Variants in CDH4 observed in about 807,000 individuals in gnomAD.
The protein encoded by CDH4 is cadherin 4.
CDH4 carries 33 observed loss-of-function variants against 86.0 expected under a neutral mutation model. The ratio of observed to expected loss-of-function variants is 0.38; its 90% CI spans 0.29 to 0.51. CDH4 has a LOEUF of 0.51. Among genes scored for constraint, CDH4 ranks in the 20% least tolerant of loss-of-function variants. The pLI is 0.86. For synonymous variants in CDH4, 555 were observed against 549.4 expected (o/e 1.01, Z -0.14); for missense variants, 1,114 against 1,307.4 (o/e 0.85, Z 2.28).
chr20:61,647,525 T>TCTCTCTCTCTCTCTCTCTCTCTC lies in CDH4; in HGVS notation c.170-96038_170-96037insCTCTCTCTCTCTCTCTCTCTCTC, dbSNP rs1444445171. ...AAACACATCAGTATGCACACACATA[T>TCTCTCTCTCTCTCTCTCTCTCTC]TCTCTCTCCCTCTCCCTCTCCCTCT... is the stretch of plus-strand genomic sequence containing the variant. On this transcript the variant is annotated intron_variant, in intron 2 of 15. Transcript: ENST00000614565. 1.1e-4 allele frequency among the ~76,000 whole-genome samples: 8 copies of TCTCTCTCTCTCTCTCTCTCTCTC among 69,756 alleles called. 1 individual carries two copies. The highest frequency in any genetic ancestry group is 3.7e-4 in the African/African-American group (7 of 18,962). The allele number at this position is 69,756 out of a possible 152,430, so 45.8% of individuals were successfully genotyped here.
intron 2 of CDH4, among the ~76,000 whole-genome samples, chr20:61,554,606 A>C (rs1162823939): frequency 1.3e-5 from 2 of 152,208 alleles, no homozygotes; most frequent in African/African-American, 4.8e-5. Flanking sequence ...ACAACAGGTC[A>C]CCCACAGACT....
chr20:61,724,349 G>A (rs924426866), intron 2 of CDH4, among the ~76,000 whole-genome samples: 2 of 152,192 alleles, frequency 1.3e-5, no homozygotes, highest in African/African-American at 2.4e-5. Context: ...TGTAGGTACC[G>A]CAGTTCAGAA....
At chr20:61,294,496 C>A (rs575597665) in intron 2 of CDH4, among the ~76,000 whole-genome samples, 2 of 152,362 alleles carry the variant, frequency 1.3e-5, no homozygotes, top group South Asian at 4.1e-4. Flanking sequence ...TCACCCTCCA[C>A]CCTATGCCCC....
intron 2 of CDH4, among the ~76,000 whole-genome samples, chr20:61,407,462 T>G (rs534536781): frequency 6.6e-6 from 1 of 152,322 alleles, no homozygotes; most frequent in Admixed American, 6.5e-5. Flanking sequence ...CTCTGGGATT[T>G]GTTCAGACAA....
At chr20:61,849,542 C>G (rs1982617846) in intron 5 of CDH4, among the ~76,000 whole-genome samples, 1 of 151,972 alleles carries the variant, frequency 6.6e-6, no homozygotes, top group African/African-American at 2.4e-5. Context: ...GGATCTGCCT[C>G]TAGGCTCACC....
chr20:61,932,770 G>A (rs2055129110), intron 13 of CDH4, among the ~76,000 whole-genome samples: 3 of 152,206 alleles, frequency 2.0e-5, no homozygotes, highest in Non-Finnish European at 4.4e-5. Context: ...GCACACGCAC[G>A]TGGGCCGCAC....
chr20:61,745,484 C>A (rs543814980), intron 3 of CDH4, among the ~76,000 whole-genome samples: 1 of 152,184 alleles, frequency 6.6e-6, no homozygotes, highest in Non-Finnish European at 1.5e-5. Context: ...GCTGACCCCA[C>A]GGGGGAAGGA....
At position 61,743,815 on chromosome 20, in the gene CDH4, G is replaced by A. The variant is rs754383349; in HGVS notation, c.396+26G>A. The A allele has an allele frequency of 6.3e-5, 96 of 1,533,302 alleles. No individual in the cohort carries two copies. In the South Asian group the frequency reaches 7.1e-4, roughly 11 times the overall value. The allele number at this position is 1,533,302 out of a possible 1,614,324, so 95.0% of individuals were successfully genotyped here. On this transcript the variant is annotated intron_variant, in intron 3 of 15. Coordinates refer to ENST00000614565, the MANE Select transcript of CDH4 (RefSeq NM_001794.5). ...GTAAGGTGTGACCGCCCGGGTCTGC[G>A]CTGGAGTTTAGATGACCTAGTTCCT...
intron 2 of CDH4, among the ~76,000 whole-genome samples, chr20:61,555,757 T>G (rs527599618): frequency 6.6e-6 from 1 of 152,354 alleles, no homozygotes; most frequent in South Asian, 2.1e-4. Flanking sequence ...CATATTAAGT[T>G]TATTTAAATC....
In CDH4 at chr20:61,829,935, G is replaced by A. The variant is rs1243976317; in HGVS notation, c.577-14733G>A. 6.6e-6 allele frequency among the ~76,000 whole-genome samples: 1 copy of A among 152,220 alleles called. No individual in the cohort carries two copies. The highest frequency in any genetic ancestry group is 1.5e-5 in the Non-Finnish European group (1 of 67,990). Reference sequence around the variant, plus strand: ...CGGCCGGCCCTGGGGCTGGGAGGCAGGTGTGGGAAGTGCAGGTGGGTGGTT... The same window carrying A: ...CGGCCGGCCCTGGGGCTGGGAGGCAAGTGTGGGAAGTGCAGGTGGGTGGTT... On this transcript the variant is annotated intron_variant, in intron 4 of 15. Transcript: ENST00000614565. This position sits in a 1 kb window ranked among gnomAD's most constrained non-coding sequence, Gnocchi z 4.2.
chr20:61,507,740 G>A (rs183523299), intron 2 of CDH4, among the ~76,000 whole-genome samples: 6 of 152,150 alleles, frequency 3.9e-5, no homozygotes, highest in Admixed American at 3.9e-4. Flanking sequence ...ACGGGAAAGA[G>A]GCATTGGGGA....
At chr20:61,453,929 C>T (rs1202648749) in intron 2 of CDH4, among the ~76,000 whole-genome samples, 2 of 152,194 alleles carry the variant, frequency 1.3e-5, no homozygotes, top group South Asian at 4.1e-4. Flanking sequence ...CCCTCTTTTG[C>T]TCTGCACTTC....
chr20:61,323,446 C>A (rs2084519935), intron 2 of CDH4, among the ~76,000 whole-genome samples: 1 of 152,196 alleles, frequency 6.6e-6, no homozygotes, highest in Non-Finnish European at 1.5e-5. Flanking sequence ...ATTCAGTTGG[C>A]TGAATCCATG....
chr20:61,352,591 G>A lies in CDH4; in HGVS notation c.169+97654G>A, dbSNP rs370391646. 7.9e-5 allele frequency among the ~76,000 whole-genome samples: 12 copies of A among 152,320 alleles called. 1 individual carries two copies. Among genetic ancestry groups the A allele is most frequent in the African/African-American group, 2.9e-4 (12 of 41,580 alleles). On this transcript the variant is annotated intron_variant, in intron 2 of 15. Coordinates refer to ENST00000614565, the MANE Select transcript of CDH4 (RefSeq NM_001794.5). ...TCTGACCTGGTGGAAAGAAAACAAA[G>A]CTTTGTATTTTGTTTTGATTTCTAT... is the stretch of plus-strand genomic sequence containing the variant.
At chr20:61,651,351 T>G (rs1600840296) in intron 2 of CDH4, among the ~76,000 whole-genome samples, 1 of 152,256 alleles carries the variant, frequency 6.6e-6, no homozygotes, top group Admixed American at 6.5e-5. Context: ...ATATTGAGTC[T>G]TGCTCAGGTC....
chr20:61,278,481 C>T lies in CDH4; in HGVS notation c.169+23544C>T, dbSNP rs115684809. On this transcript the variant is annotated intron_variant, in intron 2 of 15. Transcript: ENST00000614565. ...AGACTGAGGACATGCACCTTTATCACGGTCCGTGGCGACCTCAGGCTGTGG... is the reference window on the plus strand; with the variant it reads ...AGACTGAGGACATGCACCTTTATCATGGTCCGTGGCGACCTCAGGCTGTGG... Among the ~76,000 whole-genome samples the T allele has an allele frequency of 3.6e-3, 550 of 152,322 alleles. 2 individuals are homozygous for T. Among genetic ancestry groups the T allele is most frequent in the African/African-American group, 0.012 (506 of 41,564 alleles).
At chr20:61,327,116 G>C (rs1045115857) in intron 2 of CDH4, among the ~76,000 whole-genome samples, 1 of 152,142 alleles carries the variant, frequency 6.6e-6, no homozygotes, top group African/African-American at 2.4e-5. Flanking sequence ...ATTGTGTGAA[G>C]TGGTCTACTG....
intron 2 of CDH4, among the ~76,000 whole-genome samples, chr20:61,732,877 T>C (rs1183807463): frequency 6.6e-6 from 1 of 152,228 alleles, no homozygotes; most frequent in Non-Finnish European, 1.5e-5. Flanking sequence ...CAGGTAGTCT[T>C]GTTCCATTTC....
chr20:61,744,797 C>A (rs796706062), intron 3 of CDH4, among the ~76,000 whole-genome samples: 1 of 152,330 alleles, frequency 6.6e-6, no homozygotes, highest in African/African-American at 2.4e-5. Context: ...GAACAACCTG[C>A]GTTCATCCCC....
Sources: allele counts gnomAD v4.1 joint callset (sites outside exome capture counted in the v4.1 genomes callset), GRCh38; gene constraint gnomAD v4.1.1; non-coding constraint Gnocchi (gnomAD v3.1); transcripts MANE v1.5; gene names NCBI Gene and HGNC (gene_info 2026-07-23, HGNC 2026-07-21).